Variants in SH2B3 observed in about 807,000 individuals in gnomAD.
SH2B3 encodes SH2B adaptor protein 3.
SH2B3 carries 43 observed loss-of-function variants against 51.9 expected under a neutral mutation model. The observed-to-expected ratio is 0.83, with a 90% confidence interval of 0.65 to 1.07. SH2B3 has a LOEUF of 1.07. Ranked by LOEUF, SH2B3 falls within the 50% of genes least tolerant of loss-of-function variation. The probability of loss-of-function intolerance (pLI) is 0.00; values close to 1 mark genes in which losing one functional copy is unlikely to be tolerated. For missense variants in SH2B3, 952 were observed against 834.3 expected (o/e 1.14, Z -1.74); for synonymous variants, 396 against 376.0 (o/e 1.05, Z -0.62).
At position 111,418,018 on chromosome 12, in the gene SH2B3, T is replaced by A; in HGVS notation, c.-27-101T>A. The A allele has an allele frequency of 1.2e-6, 1 of 847,140 alleles. No homozygotes were observed. The allele number at this position is 847,140 out of a possible 1,614,324, so 52.5% of individuals were successfully genotyped here. A position where few individuals can be genotyped will look rare whatever the true frequency, so the allele number is the denominator to read the frequency against. ...TCTTCACCAGCACTGGGTGTTATGG[T>A]CGCGTTGGATTTCTGCTGTGGTGCC... On this transcript the variant is annotated intron_variant, in intron 1 of 7. Coordinates refer to ENST00000341259, the MANE Select transcript of SH2B3 (RefSeq NM_005475.3). This position sits in a 1 kb window ranked among gnomAD's most constrained non-coding sequence, Gnocchi z 6.7.
intron 2 of SH2B3, among the ~76,000 whole-genome samples, chr12:111,446,323 A>G (rs1873949893): frequency 6.6e-6 from 1 of 152,206 alleles, no homozygotes; most frequent in African/African-American, 2.4e-5. Context: ...GTCCAGGGCC[A>G]AGATTTTGTG....
At chr12:111,414,354 G>A (rs1392376696) in intron 1 of SH2B3, among the ~76,000 whole-genome samples, 1 of 152,210 alleles carries the variant, frequency 6.6e-6, no homozygotes, top group Non-Finnish European at 1.5e-5. Flanking sequence ...CACTTTGGGA[G>A]GCCAAGGTGG....
chr12:111,405,965 G>T lies in SH2B3; in HGVS notation c.-340G>T, dbSNP rs1362728367. On this transcript the variant is annotated 5_prime_UTR_variant, in exon 1 of 8. Coordinates refer to ENST00000341259, the MANE Select transcript of SH2B3 (RefSeq NM_005475.3). The surrounding 1 kb of genome is among the most constrained non-coding windows in gnomAD (Gnocchi z 5.4). ...GGCATGGGCCCGGGCCACCGCCTCC[G>T]CCCGGCTGCCCGCCCGGACTGTCGC... The T allele has an allele frequency of 6.6e-6, 1 of 151,482 alleles. No homozygotes were observed. The highest frequency in any genetic ancestry group is 6.6e-5 in the Admixed American group (1 of 15,200). 9.4% of individuals were successfully genotyped at this position (151,482 alleles called of 1,614,324 possible). A position where few individuals can be genotyped will look rare whatever the true frequency, so the allele number is the denominator to read the frequency against.
chr12:111,414,331 C>T (rs1322197008), intron 1 of SH2B3, among the ~76,000 whole-genome samples: 1 of 152,194 alleles, frequency 6.6e-6, no homozygotes, highest in African/African-American at 2.4e-5. Flanking sequence ...GTGGCTCATG[C>T]CTGTAATCCC....
chr12:111,426,205 T>TA (rs1330733842), intron 2 of SH2B3, among the ~76,000 whole-genome samples: 5 of 152,020 alleles, frequency 3.3e-5, no homozygotes, highest in Admixed American at 1.3e-4. Context: ...CTCTGGAACT[T>TA]ACAACCTGCC....
intron 2 of SH2B3, among the ~76,000 whole-genome samples, chr12:111,420,377 A>T: frequency 6.6e-6 from 1 of 151,632 alleles, no homozygotes; most frequent in African/African-American, 2.4e-5. Context: ...CAAAAAAAAA[A>T]AAAAAAAAAA....
At chr12:111,430,124 T>TA (rs1414761129) in intron 2 of SH2B3, among the ~76,000 whole-genome samples, 2 of 152,174 alleles carry the variant, frequency 1.3e-5, no homozygotes, top group East Asian at 3.9e-4. Context: ...GTGACCCAGG[T>TA]AGGTCCCAGT....
chr12:111,408,518 C>G (rs1280449004), intron 1 of SH2B3, among the ~76,000 whole-genome samples: 1 of 151,692 alleles, frequency 6.6e-6, no homozygotes, highest in African/African-American at 2.4e-5. Context: ...ATTTCTGGCT[C>G]CCGCTGTGCC....
chr12:111,418,872 C>A lies in SH2B3; in HGVS notation c.727C>A (p.Pro243Thr). Residue 243 changes from proline to threonine, a missense_variant, in exon 2 of 8, where the codon CCC (proline) becomes ACC (threonine). By Grantham distance (38) the Pro-to-Thr change is conservative (BLOSUM62 -1). Transcript: ENST00000341259. The surrounding 1 kb of genome is among the most constrained non-coding windows in gnomAD (Gnocchi z 6.7). ...PDRVLELFDP[P>T]KSSRPKLQAA... is the part of the protein sequence containing the mutation. ...CCGCGTGCTGGAGCTCTTCGACCCA[C>A]CCAAGGTAAGTAAGCCCTGCCCGCG... is the stretch of plus-strand genomic sequence containing the variant. 1 of 1,407,478 alleles carries A rather than the reference C, an allele frequency of 7.1e-7. No homozygotes were observed. Among genetic ancestry groups the A allele is most frequent in the South Asian group, 1.5e-5 (1 of 65,130 alleles). 87.2% of individuals were successfully genotyped at this position (1,407,478 alleles called of 1,614,324 possible). A position where few individuals can be genotyped will look rare whatever the true frequency, so the allele number is the denominator to read the frequency against.
chr12:111,424,354 A>G (rs1871812370), intron 2 of SH2B3, among the ~76,000 whole-genome samples: 1 of 149,560 alleles, frequency 6.7e-6, no homozygotes, highest in Non-Finnish European at 1.5e-5. Context: ...CGCTGGGAGC[A>G]CTCCATGAGT....
rs1319664185 is a variant in SH2B3, at chr12:111,435,162, C to T, written c.733-11591C>T. On this transcript the variant is annotated intron_variant, in intron 2 of 7. Transcript: ENST00000341259. This position sits in a 1 kb window ranked among gnomAD's most constrained non-coding sequence, Gnocchi z 4.8. ...GTTTCTTAACCACATCTTTTTCCAC[C>T]CACACCCGGTGCAGAGCAGATGCTT... The T allele has an allele frequency of 8.3e-6, 6 of 723,672 alleles. No homozygotes were observed. In the Admixed American group the frequency reaches 1.1e-4, roughly 13 times the overall value. The allele number at this position is 723,672 out of a possible 1,614,324, so 44.8% of individuals were successfully genotyped here.
chr12:111,425,424 G>A (rs1871916363), intron 2 of SH2B3, among the ~76,000 whole-genome samples: 1 of 152,174 alleles, frequency 6.6e-6, no homozygotes, highest in South Asian at 2.1e-4. Context: ...CTTGGCAGGA[G>A]GTGCCGGTCC....
Position 111,435,005 on chromosome 12 carries a change from T to C in SH2B3, c.733-11748T>C. 1 of 1,535,142 alleles carries C rather than the reference T, an allele frequency of 6.5e-7. No individual in the cohort carries two copies. Among genetic ancestry groups the C allele is most frequent in the Non-Finnish European group, 8.7e-7 (1 of 1,146,438 alleles). ...CAGAAGCCCTTGCTCTCACCTCTTC[T>C]TCTGAATCATCGTTCTTCGAAGGCA... On this transcript the variant is annotated intron_variant, in intron 2 of 7. Coordinates refer to ENST00000341259, the MANE Select transcript of SH2B3 (RefSeq NM_005475.3). This position sits in a 1 kb window ranked among gnomAD's most constrained non-coding sequence, Gnocchi z 4.8.
rs1026841209 is a variant in SH2B3 at position 111,407,136 on chromosome 12, T to C, written c.-28+859T>C. 6.6e-6 allele frequency among the ~76,000 whole-genome samples: 1 copy of C among 152,156 alleles called. No homozygotes were observed. The highest frequency in any genetic ancestry group is 1.5e-5 in the Non-Finnish European group (1 of 68,008). On this transcript the variant is annotated intron_variant, in intron 1 of 7. Coordinates refer to ENST00000341259, the MANE Select transcript of SH2B3 (RefSeq NM_005475.3). This position sits in a 1 kb window ranked among gnomAD's most constrained non-coding sequence, Gnocchi z 4.3. Reference sequence around the variant, plus strand: ...AGGGTCTGCCTGCCTGTCCCGCTTCTTTTTTTCTTTAGTTTCCTCATTCTC... The same window carrying C: ...AGGGTCTGCCTGCCTGTCCCGCTTCCTTTTTTCTTTAGTTTCCTCATTCTC...
chr12:111,413,959 C>T (rs1054415065), intron 1 of SH2B3, among the ~76,000 whole-genome samples: 12 of 152,212 alleles, frequency 7.9e-5, no homozygotes, highest in African/African-American at 1.9e-4. Flanking sequence ...CTCATGCCAA[C>T]ACCCACAGGC....
chr12:111,431,331 G>A (rs1217801860), intron 2 of SH2B3, among the ~76,000 whole-genome samples: 2 of 152,150 alleles, frequency 1.3e-5, no homozygotes, highest in African/African-American at 4.8e-5. Flanking sequence ...CCTCTCTCTA[G>A]GGAACCACCT....
In SH2B3 at chr12:111,418,721, A is replaced by G; in HGVS notation, c.576A>G (p.Pro192=). 2.7e-6 allele frequency: 4 copies of G among 1,484,894 alleles called. No individual in the cohort carries two copies. The highest frequency in any genetic ancestry group is 3.6e-6 in the Non-Finnish European group (4 of 1,124,982). 92.0% of individuals were successfully genotyped at this position (1,484,894 alleles called of 1,614,324 possible). ...FLPWSLAREP[P]PEALKEAVLR... ...CCTGGAGCCTGGCCCGGGAGCCGCC[A>G]CCCGAGGCGCTGAAGGAGGCGGTGC... Residue 192 remains proline, a synonymous_variant, in exon 2 of 8, where the codon CCA becomes CCG. Coordinates refer to ENST00000341259, the MANE Select transcript of SH2B3 (RefSeq NM_005475.3). This position sits in a 1 kb window ranked among gnomAD's most constrained non-coding sequence, Gnocchi z 6.7.
intron 2 of SH2B3, chr12:111,434,743 TC>T: frequency 1.4e-6 from 2 of 1,419,830 alleles, no homozygotes; most frequent in Admixed American, 2.8e-5. Flanking sequence ...AATTATTTAA[TC>T]CAGCTGGCTT....
At position 111,410,027 on chromosome 12, in the gene SH2B3, C is replaced by G. The variant is rs1030187248; in HGVS notation, c.-28+3750C>G. ...TCCTTGTGAGCCAGGCCTGGAGCCC[C>G]TGGGGGCCCACCCGGATGTGGCTAC... On this transcript the variant is annotated intron_variant, in intron 1 of 7. Transcript: ENST00000341259. This position sits in a 1 kb window ranked among gnomAD's most constrained non-coding sequence, Gnocchi z 4.9. 8.5e-5 allele frequency among the ~76,000 whole-genome samples: 13 copies of G among 152,226 alleles called. No homozygotes were observed. The highest frequency in any genetic ancestry group is 3.1e-4 in the African/African-American group (13 of 41,468).
Sources: allele counts gnomAD v4.1 joint callset (sites outside exome capture counted in the v4.1 genomes callset), GRCh38; gene constraint gnomAD v4.1.1; non-coding constraint Gnocchi (gnomAD v3.1); transcripts MANE v1.5; gene names NCBI Gene and HGNC (gene_info 2026-07-23, HGNC 2026-07-21).